TLN2: variants seen among roughly 807,000 people sequenced by gnomAD.
TLN2 encodes the protein talin-2.
TLN2 carries 118 observed loss-of-function variants against 294.7 expected under a neutral mutation model. The observed-to-expected ratio is 0.40, with a 90% CI of 0.34 to 0.47. The LOEUF (loss-of-function observed/expected upper bound fraction) is 0.47. Among genes scored for constraint, TLN2 ranks in the 20% least tolerant of loss-of-function variants. The probability of loss-of-function intolerance (pLI) is 0.84; values close to 1 mark genes in which losing one functional copy is unlikely to be tolerated. For missense variants in TLN2, 3,083 were observed against 3,282.2 expected (o/e 0.94, Z 1.48); for synonymous variants, 1,431 against 1,304.5 (o/e 1.10, Z -2.09).
At chr15:62,783,473 G>A (rs1275046217) in intron 44 of TLN2, among the ~76,000 whole-genome samples, 1 of 152,230 alleles carries the variant, frequency 6.6e-6, no homozygotes, top group African/African-American at 2.4e-5. Context: ...CTGGGCACTG[G>A]CTCCAAGCTG....
chr15:62,761,669 T>C lies in TLN2; in HGVS notation c.4639-12T>C. 6.2e-7 allele frequency: 1 copy of C among 1,614,116 alleles called. No individual in the cohort carries two copies. ...CTCAATTGGGCAGAATCTCCCTGTT[T>C]TCTCCCATCAGGCCCTGGATGGGGA... On this transcript the variant is annotated splice_polypyrimidine_tract_variant and intron_variant, in intron 37 of 58. Transcript: ENST00000636159.
chr15:62,721,467 G>C (rs2060144585), intron 25 of TLN2, among the ~76,000 whole-genome samples: 1 of 151,954 alleles, frequency 6.6e-6, no homozygotes, highest in Non-Finnish European at 1.5e-5. Flanking sequence ...AATTATGTTT[G>C]TGCTTTTTAT....
intron 32 of TLN2, among the ~76,000 whole-genome samples, chr15:62,746,533 T>C (rs1038181238): frequency 1.3e-5 from 2 of 152,246 alleles, no homozygotes; most frequent in African/African-American, 4.8e-5. Context: ...CCTAGCTCAA[T>C]TTGAAATTGA....
At chr15:62,739,110 T>A (rs2061181310) in intron 30 of TLN2, among the ~76,000 whole-genome samples, 1 of 152,178 alleles carries the variant, frequency 6.6e-6, no homozygotes, top group South Asian at 2.1e-4. Context: ...ATAGCTTACA[T>A]TTTTAGATCC....
intron 9 of TLN2, among the ~76,000 whole-genome samples, chr15:62,671,441 G>C (rs932590498): frequency 3.3e-5 from 5 of 152,102 alleles, no homozygotes; most frequent in African/African-American, 1.2e-4. Flanking sequence ...CATAGATTTT[G>C]AGTTAATTCT....
intron 1 of TLN2, among the ~76,000 whole-genome samples, chr15:62,517,012 G>A (rs1421590157): frequency 2.0e-5 from 3 of 152,180 alleles, no homozygotes; most frequent in Non-Finnish European, 1.5e-5. Flanking sequence ...TTGCTGCTCC[G>A]TCACCATGTG....
chr15:62,770,428 T>A (rs886590677), intron 41 of TLN2, among the ~76,000 whole-genome samples: 2 of 152,224 alleles, frequency 1.3e-5, no homozygotes, highest in African/African-American at 4.8e-5. Flanking sequence ...TCTCCCAAGT[T>A]GGGCGAATCA....
At chr15:62,761,546 T>C in intron 37 of TLN2, 135 bp from the exon 38 acceptor site, 1 of 1,244,854 alleles carries the variant, frequency 8.0e-7, no homozygotes, top group South Asian at 1.4e-5. Context: ...CAGTTCCTAT[T>C]TATTGTTTAT....
At chr15:62,626,624 A>C (rs1250758052) in intron 3 of TLN2, among the ~76,000 whole-genome samples, 1 of 152,216 alleles carries the variant, frequency 6.6e-6, no homozygotes, top group African/African-American at 2.4e-5. Context: ...GCACCTAGAC[A>C]TGATGGCATG....
chr15:62,792,077 G>A (rs1036447124), intron 45 of TLN2, among the ~76,000 whole-genome samples: 1 of 152,148 alleles, frequency 6.6e-6, no homozygotes, highest in Non-Finnish European at 1.5e-5. Flanking sequence ...TGGTATGGTC[G>A]CTGTCCCCAT....
At chr15:62,781,291 A>G (rs775363608) in intron 44 of TLN2, 50 bp downstream of exon 44, 20 of 1,440,254 alleles carry the variant, frequency 1.4e-5, no homozygotes, top group Non-Finnish European at 1.9e-5. Context: ...CTTTTTATCC[A>G]CTGCCGCCGC....
chr15:62,419,114 T>C (rs1214732264), intron 1 of TLN2, among the ~76,000 whole-genome samples: 1 of 152,176 alleles, frequency 6.6e-6, no homozygotes, highest in Non-Finnish European at 1.5e-5. Flanking sequence ...GTGCTGTAAA[T>C]GTAAAACACA....
At chr15:62,591,144 T>G (rs1474966694) in intron 2 of TLN2, among the ~76,000 whole-genome samples, 1 of 152,250 alleles carries the variant, frequency 6.6e-6, no homozygotes, top group Non-Finnish European at 1.5e-5. Flanking sequence ...AATATAATTT[T>G]GCCAAAGAGA....
rs550218287 is a variant in TLN2 at position 62,840,724 on chromosome 15, G to A, written c.*114G>A. The A allele has an allele frequency of 1.2e-5, 17 of 1,425,410 alleles. No individual in the cohort carries two copies. The East Asian group carries it at 3.9e-4, about 32-fold the overall frequency. The allele number at this position is 1,425,410 out of a possible 1,614,324, so 88.3% of individuals were successfully genotyped here. ...AACCGCCCACCTCCCTCCCGGGTGA[G>A]CCTGGAGCCCTGCGTGCTTGTTCTC... On this transcript the variant is annotated 3_prime_UTR_variant, in exon 59 of 59. Coordinates refer to ENST00000636159, the MANE Select transcript of TLN2 (RefSeq NM_015059.3).
At chr15:62,604,761 G>C (rs1294291462) in intron 2 of TLN2, among the ~76,000 whole-genome samples, 1 of 150,616 alleles carries the variant, frequency 6.6e-6, no homozygotes, top group African/African-American at 2.4e-5. Context: ...CATATTATGC[G>C]ATAAGGGATT....
At position 62,762,343 on chromosome 15, in the gene TLN2, C is replaced by G; in HGVS notation, c.4851C>G (p.Arg1617=). The change falls in exon 39 of 59, where the codon CGC becomes CGG. Residue 1617 remains arginine (R), a synonymous_variant. Transcript: ENST00000636159. ...TGGAGAGTTCATCGTACCTCATTCGCACTGCACGCTCTCTGGCCATCAACC... is the reference window on the plus strand; with the variant it reads ...TGGAGAGTTCATCGTACCTCATTCGGACTGCACGCTCTCTGGCCATCAACC... ...TMLESSSYLI[R]TARSLAINPK... is the part of the protein sequence containing the mutation. The G allele has an allele frequency of 6.2e-7, 1 of 1,614,204 alleles. No homozygotes were observed.
Position 62,841,730 on chromosome 15 carries a change from T to TTTTTCCCCTCTTTTCTTTCCCC in TLN2, c.*1126_*1147dup, listed in dbSNP as rs2070726008. On this transcript the variant is annotated 3_prime_UTR_variant, in exon 59 of 59. Coordinates refer to ENST00000636159, the MANE Select transcript of TLN2 (RefSeq NM_015059.3). ...GATGTCACACTTCCAGAATTTCATA[T>TTTTTCCCCTCTTTTCTTTCCCC]TTTTCCCCTCTTTTCTTTCCCCTTT... 1.3e-5 allele frequency: 2 copies of TTTTTCCCCTCTTTTCTTTCCCC among 152,148 alleles called. No homozygotes were observed. The highest frequency in any genetic ancestry group is 2.9e-5 in the Non-Finnish European group (2 of 68,032). 9.4% of individuals were successfully genotyped at this position (152,148 alleles called of 1,614,324 possible). A position where few individuals can be genotyped will look rare whatever the true frequency, so the allele number is the denominator to read the frequency against.
intron 58 of TLN2, 115 bp from the exon 59 acceptor site, chr15:62,840,367 A>C (rs974655317): frequency 2.1e-6 from 3 of 1,432,258 alleles, no homozygotes; most frequent in African/African-American, 2.9e-5. Flanking sequence ...GCTGTTCCGG[A>C]TGTGCTGCAG....
intron 1 of TLN2, among the ~76,000 whole-genome samples, chr15:62,578,128 A>G (rs1404584052): frequency 6.6e-6 from 1 of 152,210 alleles, no homozygotes. Flanking sequence ...AGTCTTTGCT[A>G]TTGTGAATAG....
Sources: allele counts gnomAD v4.1 joint callset (sites outside exome capture counted in the v4.1 genomes callset), GRCh38; gene constraint gnomAD v4.1.1; transcripts MANE v1.5; gene names NCBI Gene and HGNC (gene_info 2026-07-23, HGNC 2026-07-21).